MRPS7: variants seen among roughly 807,000 people sequenced by gnomAD.
MRPS7 encodes mitochondrial ribosomal protein S7, also known as small ribosomal subunit protein uS7m.
MRPS7 carries 13 observed loss-of-function variants against 26.2 expected under a neutral mutation model. That is an observed-to-expected ratio of 0.50 (90% CI 0.32 to 0.79). The LOEUF (loss-of-function observed/expected upper bound fraction) is 0.79. Among genes scored for constraint, MRPS7 ranks in the 30% least tolerant of loss-of-function variants. The pLI is 0.03. For missense variants in MRPS7, 318 were observed against 312.2 expected (o/e 1.02, Z -0.14); for synonymous variants, 129 against 113.3 (o/e 1.14, Z -0.88).
At chr17:75,264,223 G>C (rs1486151118) in intron 4 of MRPS7, 1 of 151,464 alleles carries the variant, frequency 6.6e-6, no homozygotes, top group Non-Finnish European at 1.5e-5. Flanking sequence ...ACTCATCTGA[G>C]TCCTGTAGCG....
At position 75,266,261 on chromosome 17, in the gene MRPS7, T is replaced by A. The variant is rs2077481923; in HGVS notation, c.*338T>A. 2.6e-6 allele frequency: 1 copy of A among 385,996 alleles called. No homozygotes were observed. Among genetic ancestry groups the A allele is most frequent in the Admixed American group, 4.2e-5 (1 of 23,816 alleles). 23.9% of individuals were successfully genotyped at this position (385,996 alleles called of 1,614,324 possible). A position where few individuals can be genotyped will look rare whatever the true frequency, so the allele number is the denominator to read the frequency against. ...TCAGAAAAGATTTATTAGAAAATTC[T>A]CACGCTGAACTGGTGTAGCATGTGG... On this transcript the variant is annotated 3_prime_UTR_variant, in exon 5 of 5. Transcript: ENST00000245539.
intron 3 of MRPS7, chr17:75,263,139 T>G: frequency 2.0e-6 from 1 of 491,430 alleles, no homozygotes; most frequent in Non-Finnish European, 3.6e-6. Context: ...ACCCCCTCCA[T>G]GCCACAAATC....
intron 4 of MRPS7, chr17:75,263,742 G>A (rs1441454371): frequency 2.5e-5 from 13 of 525,448 alleles, no homozygotes; most frequent in Admixed American, 9.9e-5. Flanking sequence ...TTAGCCAGGT[G>A]TGGTGGTGTG....
chr17:75,261,959 G>GGCGGGCTGTCTTGCA lies in MRPS7; in HGVS notation c.62_76dup (p.Arg21_Gln25dup). On this transcript the variant is annotated inframe_insertion, in exon 1 of 5. Coordinates refer to ENST00000245539, the MANE Select transcript of MRPS7 (RefSeq NM_015971.4). Reference sequence around the variant, plus strand: ...TGGTCGGGCCTGGCGTTGGGCGTGCGGCGGGCTGTCTTGCAGCTTCCAGGG... The same window carrying GGCGGGCTGTCTTGCA: ...TGGTCGGGCCTGGCGTTGGGCGTGCGGCGGGCTGTCTTGCAGCGGGCTGTCTTGCAGCTTCCAGGG... The GGCGGGCTGTCTTGCA allele has an allele frequency of 2.5e-6, 4 of 1,607,288 alleles. No homozygotes were observed. Among genetic ancestry groups the GGCGGGCTGTCTTGCA allele is most frequent in the Non-Finnish European group, 3.4e-6 (4 of 1,179,712 alleles).
intron 1 of MRPS7, 30 bp downstream of exon 1, chr17:75,262,013 G>C (rs1239343144): frequency 1.3e-6 from 2 of 1,599,876 alleles, no homozygotes; most frequent in African/African-American, 1.3e-5. Flanking sequence ...CGGCGGGGGG[G>C]CGCTGCGAGG....
In MRPS7 at chr17:75,263,304, G is replaced by T. The variant is rs200930056; in HGVS notation, c.340-36G>T. 1.1e-5 allele frequency: 18 copies of T among 1,612,538 alleles called. No individual in the cohort carries two copies. In the Admixed American group the frequency reaches 2.7e-4, roughly 24 times the overall value. ...CTTGGCTGGGTAAACCCTTTAGGGA[G>T]CCTGGGGCAGCCTCTTCCACCATAT... On this transcript the variant is annotated intron_variant, in intron 3 of 4. Coordinates refer to ENST00000245539, the MANE Select transcript of MRPS7 (RefSeq NM_015971.4).
At chr17:75,262,114 C>G in intron 1 of MRPS7, 131 bp downstream of exon 1, 1 of 1,045,158 alleles carries the variant, frequency 9.6e-7, no homozygotes, top group Non-Finnish European at 1.4e-6. Context: ...TCTAAGTTAG[C>G]TGCGTGACCC....
At chr17:75,262,360 T>A in intron 1 of MRPS7, 137 bp from the exon 2 acceptor site, 1 of 947,592 alleles carries the variant, frequency 1.1e-6, no homozygotes, top group South Asian at 1.6e-5. Context: ...GCCTGAATTG[T>A]TGTGGCTCAG....
intron 3 of MRPS7, chr17:75,263,128 C>CA: frequency 1.6e-6 from 1 of 640,936 alleles, no homozygotes; most frequent in Non-Finnish European, 2.6e-6. Flanking sequence ...CCTCACCCCC[C>CA]ACCCCCTCCA....
At position 75,263,501 on chromosome 17, in the gene MRPS7, C is replaced by T; in HGVS notation, c.501C>T (p.Phe167=). 3 of 1,613,942 alleles carry T rather than the reference C, an allele frequency of 1.9e-6. No homozygotes were observed. The highest frequency in any genetic ancestry group is 2.5e-6 in the Non-Finnish European group (3 of 1,180,008). ...GLVPILKGGR[F]YQVPVPLPDR... is the part of the protein sequence containing the mutation. Reference sequence around the variant, plus strand: ...TACCCATCCTCAAGGGAGGCCGTTTCTACCAGGTGAATGAATGGCCAGGGC... The same window carrying T: ...TACCCATCCTCAAGGGAGGCCGTTTTTACCAGGTGAATGAATGGCCAGGGC... Residue 167 remains phenylalanine (F), a synonymous_variant, in exon 4 of 5, where the codon TTC becomes TTT. Transcript: ENST00000245539.
At chr17:75,265,084 C>T (rs925492996) in intron 4 of MRPS7, among the ~76,000 whole-genome samples, 2 of 152,086 alleles carry the variant, frequency 1.3e-5, no homozygotes, top group African/African-American at 4.8e-5. Context: ...CTCTGTTGCC[C>T]AGGCTGGAGT....
In MRPS7 at chr17:75,261,911, C is replaced by G. The variant is rs766883967; in HGVS notation, c.11C>G (p.Pro4Arg). MAA[P>R]AVKVARGWSG... is the part of the protein sequence containing the mutation. ...TCGTGGCCAGCCAAGATGGCTGCCC[C>G]CGCAGTGAAGGTTGCCCGAGGATGG... Residue 4 changes from proline to arginine, a missense_variant, in exon 1 of 5, where the codon CCC becomes CGC. Coordinates refer to ENST00000245539, the MANE Select transcript of MRPS7 (RefSeq NM_015971.4). The G allele has an allele frequency of 1.2e-6, 2 of 1,608,942 alleles. No homozygotes were observed. Among genetic ancestry groups the G allele is most frequent in the East Asian group, 2.2e-5 (1 of 44,860 alleles).
At chr17:75,265,153 C>T (rs1358163530) in intron 4 of MRPS7, among the ~76,000 whole-genome samples, 2 of 152,086 alleles carry the variant, frequency 1.3e-5, no homozygotes, top group African/African-American at 4.8e-5. Flanking sequence ...GCATTTCTAC[C>T]TCAGCCTCCC....
chr17:75,266,115 C>CTAT lies in MRPS7; in HGVS notation c.*194_*196dup. 1.6e-6 allele frequency: 1 copy of CTAT among 606,410 alleles called. No homozygotes were observed. The highest frequency in any genetic ancestry group is 2.0e-5 in the South Asian group (1 of 49,546). The allele number at this position is 606,410 out of a possible 1,614,324, so 37.6% of individuals were successfully genotyped here. ...AGGCTGGAACTTGCTCTCTCTGCCC[C>CTAT]TATTTCCTTGTAAAGAGGGAGCACA... On this transcript the variant is annotated 3_prime_UTR_variant, in exon 5 of 5. Coordinates refer to ENST00000245539, the MANE Select transcript of MRPS7 (RefSeq NM_015971.4).
Position 75,265,701 on chromosome 17 carries a change from G to A in MRPS7, c.508-1G>A, listed in dbSNP as rs372546274. On this transcript the variant is annotated splice_acceptor_variant, in intron 4 of 4. Transcript: ENST00000245539. LOFTEE classifies it high-confidence loss of function. Reference sequence around the variant, plus strand: ...ACTTGCCTATGTCCTGTCTCACCCAGGTCCCTGTACCCCTACCCGACCGGC... The same window carrying A: ...ACTTGCCTATGTCCTGTCTCACCCAAGTCCCTGTACCCCTACCCGACCGGC... 8.1e-6 allele frequency: 13 copies of A among 1,613,520 alleles called. No individual in the cohort carries two copies. In the African/African-American group the frequency reaches 1.5e-4, roughly 18 times the overall value.
At chr17:75,262,065 G>A in intron 1 of MRPS7, 82 bp downstream of exon 1, 1 of 1,496,656 alleles carries the variant, frequency 6.7e-7, no homozygotes, top group South Asian at 1.1e-5. Context: ...CCCCTAGAGA[G>A]AGCATTGCCC....
In MRPS7 at chr17:75,263,418, A is replaced by C; in HGVS notation, c.418A>C (p.Asn140His). The C allele has an allele frequency of 1.2e-6, 2 of 1,614,112 alleles. No homozygotes were observed. The highest frequency in any genetic ancestry group is 1.7e-6 in the Non-Finnish European group (2 of 1,180,032). Residue 140 changes from asparagine (N) to histidine (H), a missense_variant, in exon 4 of 5, where the codon AAC becomes CAC. Transcript: ENST00000245539. ...SAEEQATIER[N>H]PYTIFHQALK... ...AGAGGAACAGGCAACCATCGAACGCAACCCCTACACCATCTTCCATCAAGC... is the reference window on the plus strand; with the variant it reads ...AGAGGAACAGGCAACCATCGAACGCCACCCCTACACCATCTTCCATCAAGC...
Position 75,265,815 on chromosome 17 carries a change from C to G in MRPS7, c.621C>G (p.His207Gln). ...QRTLMPEKLS[H>Q]KLLEAFHNQG... ...CACTGATGCCGGAGAAGCTGTCACA[C>G]AAGCTGCTGGAGGCTTTCCATAACC... The change falls in exon 5 of 5, where the codon CAC becomes CAG. Residue 207 changes from histidine (H) to glutamine (Q), a missense_variant. By Grantham distance (24) the His-to-Gln change is conservative (BLOSUM62 0). Coordinates refer to ENST00000245539, the MANE Select transcript of MRPS7 (RefSeq NM_015971.4). 1.2e-6 allele frequency: 2 copies of G among 1,614,194 alleles called. No homozygotes were observed. The highest frequency in any genetic ancestry group is 1.1e-5 in the South Asian group (1 of 91,088).
At chr17:75,262,776 G>GCTA (rs1224271992) in intron 2 of MRPS7, 28 bp from the exon 3 acceptor site, 1 of 1,613,922 alleles carries the variant, frequency 6.2e-7, no homozygotes, top group Non-Finnish European at 8.5e-7. Context: ...GCCTTGGAGA[G>GCTA]CTAAACGTGT....
Sources: gnomAD v4.1 joint callset for allele counts (sites outside exome capture counted in the v4.1 genomes callset) on GRCh38, gnomAD v4.1.1 for gene constraint, MANE v1.5 for transcripts, NCBI Gene and HGNC (gene_info 2026-07-23, HGNC 2026-07-21) for gene names.